Variants in FAM20C observed in about 807,000 individuals in gnomAD.
FAM20C encodes the protein FAM20C golgi associated secretory pathway kinase, also known as extracellular serine/threonine protein kinase FAM20C.
A neutral mutation model predicts 51.5 loss-of-function variants in FAM20C; 40 were observed. The observed-to-expected ratio is 0.78, with a 90% CI of 0.60 to 1.01. FAM20C has a LOEUF of 1.01. FAM20C is among the 50% of genes least tolerant of loss of function. FAM20C has a pLI of 0.00. For missense variants in FAM20C, 861 were observed against 844.7 expected, an observed-to-expected ratio of 1.02 and a Z score of -0.24; for synonymous variants, 406 against 380.6, an observed-to-expected ratio of 1.07 and a Z score of -0.78.
chr7:243,919 A>AAATAAT (rs769426964), intron 3 of FAM20C, among the ~76,000 whole-genome samples: 2,493 of 142,418 alleles, frequency 0.018, 30 homozygotes, highest in South Asian at 0.028. Flanking sequence ...TTTCTAAAGA[A>AAATAAT]AATAATAATA....
chr7:200,986 T>A (rs1786102557), intron 2 of FAM20C, among the ~76,000 whole-genome samples: 1 of 152,022 alleles, frequency 6.6e-6, no homozygotes, highest in Admixed American at 6.6e-5. Context: ...CCAGGGTGAA[T>A]GGGTATATGA....
rs116181849 is a variant in FAM20C, at chr7:195,679, C to T, written c.731C>T (p.Pro244Leu). The T allele has an allele frequency of 2.1e-4, 335 of 1,611,180 alleles. No homozygotes were observed. In the African/African-American group the frequency reaches 3.7e-3, roughly 18 times the overall value. Reference sequence around the variant, plus strand: ...TACGAGCTGTACTCCAGACACAACCCGGCCATCGAGGCCCTGCTGCACGAC... The same window carrying T: ...TACGAGCTGTACTCCAGACACAACCTGGCCATCGAGGCCCTGCTGCACGAC... ...NRYELYSRHN[P>L]AIEALLHDLS... Residue 244 changes from proline to leucine, a missense_variant, in exon 2 of 10, where the codon CCG (proline) becomes CTG (leucine). Physicochemically the swap from Pro to Leu is moderately conservative, Grantham distance 98 (BLOSUM62 -3). Coordinates refer to ENST00000313766, the MANE Select transcript of FAM20C (RefSeq NM_020223.4).
intron 2 of FAM20C, among the ~76,000 whole-genome samples, chr7:196,500 G>T (rs1423739442): frequency 1.3e-5 from 2 of 152,236 alleles, no homozygotes; most frequent in African/African-American, 2.4e-5. Flanking sequence ...AGTGGGAGCA[G>T]CTGCTCCCCG....
chr7:212,629 A>C (rs1349120949), intron 3 of FAM20C, among the ~76,000 whole-genome samples: 1 of 151,764 alleles, frequency 6.6e-6, no homozygotes. Context: ...GGTGGGGGCC[A>C]GCCTGGGGTG....
At chr7:208,097 C>G (rs1051941506) in intron 2 of FAM20C, among the ~76,000 whole-genome samples, 1 of 152,120 alleles carries the variant, frequency 6.6e-6, no homozygotes, top group Admixed American at 6.5e-5. Flanking sequence ...CCCAGAAACG[C>G]GGGCGGGAGG....
intron 3 of FAM20C, among the ~76,000 whole-genome samples, chr7:212,682 G>C (rs1238617514): frequency 6.6e-6 from 1 of 152,180 alleles, no homozygotes; most frequent in Non-Finnish European, 1.5e-5. Context: ...GGAAGTTTTA[G>C]GGTCTCCGTT....
At chr7:216,670 AGAGT>A (rs1222699858) in intron 3 of FAM20C, among the ~76,000 whole-genome samples, 2 of 116,682 alleles carry the variant, frequency 1.7e-5, no homozygotes, top group Admixed American at 9.1e-5. Flanking sequence ...TGTGAGAGAC[AGAGT>A]GTGTGTGAGA....
At chr7:246,643 CCCCCCA>C (rs1788177702) in intron 4 of FAM20C, 136 bp downstream of exon 4, 4 of 389,934 alleles carry the variant, frequency 1.0e-5, no homozygotes, top group African/African-American at 2.9e-5. Context: ...TGCCTGCTCT[CCCCCCA>C]CCCCGAGTGC....
At chr7:253,303 ACAGT>A (rs1477430177) in intron 5 of FAM20C, among the ~76,000 whole-genome samples, 11 of 152,298 alleles carry the variant, frequency 7.2e-5, no homozygotes, top group African/African-American at 2.6e-4. Flanking sequence ...CAGCCCCGAC[ACAGT>A]CAGCGAAAGG....
intron 2 of FAM20C, 118 bp downstream of exon 2, chr7:195,850 C>T (rs942684172): frequency 3.0e-6 from 3 of 1,016,548 alleles, no homozygotes; most frequent in Non-Finnish European, 3.9e-6. Flanking sequence ...ACGGCAGCGT[C>T]ACCTCCTGCA....
chr7:243,846 C>T (rs1172694564), intron 3 of FAM20C, among the ~76,000 whole-genome samples: 1 of 151,942 alleles, frequency 6.6e-6, no homozygotes, highest in African/African-American at 2.4e-5. Flanking sequence ...CCCAGTGGTG[C>T]AGGCCTTTGC....
intron 1 of FAM20C, among the ~76,000 whole-genome samples, chr7:194,876 C>T (rs1475471895): frequency 6.6e-6 from 1 of 152,140 alleles, no homozygotes; most frequent in African/African-American, 2.4e-5. Context: ...TTCCCTCCAG[C>T]CCAGCAGGCA....
At chr7:249,680 C>T (rs951162465) in intron 5 of FAM20C, among the ~76,000 whole-genome samples, 4 of 152,266 alleles carry the variant, frequency 2.6e-5, no homozygotes, top group Admixed American at 1.3e-4. Context: ...GTGGCGGCTG[C>T]AGTGAGTGGG....
At position 193,641 on chromosome 7, in the gene FAM20C, T is replaced by A; in HGVS notation, c.442T>A (p.Ser148Thr). Residue 148 changes from serine to threonine, a missense_variant, in exon 1 of 10, where the codon TCC becomes ACC. By Grantham distance (58) the Ser-to-Thr change is moderately conservative (BLOSUM62 1). Coordinates refer to ENST00000313766, the MANE Select transcript of FAM20C (RefSeq NM_020223.4). ...PLLRDPGPRR[S>T]ESPPGPGGDA... The stretch of plus-strand genomic sequence containing the variant: ...GCTGCGAGACCCCGGCCCGCGTCGG[T>A]CCGAGTCGCCCCCCGGCCCCGGCGG... 6.5e-7 allele frequency: 1 copy of A among 1,537,734 alleles called. No individual in the cohort carries two copies. Among genetic ancestry groups the A allele is most frequent in the Non-Finnish European group, 8.8e-7 (1 of 1,142,296 alleles).
chr7:248,899 C>T (rs1352184189), intron 5 of FAM20C, among the ~76,000 whole-genome samples: 3 of 152,356 alleles, frequency 2.0e-5, no homozygotes, highest in Admixed American at 1.3e-4. Flanking sequence ...CCCCCTTCCA[C>T]ACCAGGGTGC....
intron 3 of FAM20C, among the ~76,000 whole-genome samples, chr7:213,353 G>A (rs1583296699): frequency 6.6e-6 from 1 of 152,084 alleles, no homozygotes; most frequent in African/African-American, 2.4e-5. Flanking sequence ...CCTGCAGTGT[G>A]TAGTCCTTTG....
chr7:258,683 G>GT lies in FAM20C; in HGVS notation c.1484dup (p.Pro496AlafsTer77). 6.5e-7 allele frequency: 1 copy of GT among 1,536,640 alleles called. No homozygotes were observed. Among genetic ancestry groups the GT allele is most frequent in the Non-Finnish European group, 8.7e-7 (1 of 1,146,500 alleles). On this transcript the variant is annotated frameshift_variant, in exon 9 of 10. Coordinates refer to ENST00000313766, the MANE Select transcript of FAM20C (RefSeq NM_020223.4). LOFTEE classifies it low-confidence loss of function (END_TRUNC). ...TTCGCACGACGAGCTCTCCATCCTGGTGCCGCTACAGCAGTGCTGCAGGTA... is the reference window on the plus strand; with the variant it reads ...TTCGCACGACGAGCTCTCCATCCTGGTTGCCGCTACAGCAGTGCTGCAGGTA...
At chr7:214,625 AC>A (rs1164094231) in intron 3 of FAM20C, among the ~76,000 whole-genome samples, 1 of 151,994 alleles carries the variant, frequency 6.6e-6, no homozygotes, top group Non-Finnish European at 1.5e-5. Flanking sequence ...GAGTGCCCTC[AC>A]CTCCTGGAAC....
At chr7:200,692 T>G (rs1786087958) in intron 2 of FAM20C, among the ~76,000 whole-genome samples, 1 of 152,330 alleles carries the variant, frequency 6.6e-6, no homozygotes, top group Admixed American at 6.5e-5. Context: ...AATCGTGGAA[T>G]AAATAACAGT....
Sources: allele counts gnomAD v4.1 joint callset (sites outside exome capture counted in the v4.1 genomes callset), GRCh38; gene constraint gnomAD v4.1.1; transcripts MANE v1.5; gene names NCBI Gene and HGNC (gene_info 2026-07-23, HGNC 2026-07-21).